Variants in CPNE1 observed in about 807,000 individuals in gnomAD.
The protein encoded by CPNE1 is copine 1.
Under a neutral mutation model 63.2 loss-of-function variants are expected in CPNE1, and 58 were observed. The ratio of observed to expected loss-of-function variants is 0.92; its 90% CI spans 0.74 to 1.14. The LOEUF is 1.14. Ranked by LOEUF, CPNE1 falls within the 50% of genes most tolerant of loss-of-function variation. The pLI is 0.00. For missense variants in CPNE1, 672 were observed against 661.7 expected, an observed-to-expected ratio of 1.02 and a Z score of -0.17; for synonymous variants, 237 against 249.0, an observed-to-expected ratio of 0.95 and a Z score of 0.45.
chr20:35,654,928 C>A (rs567896893), intron 1 of CPNE1: 5 of 1,614,128 alleles, frequency 3.1e-6, no homozygotes, highest in South Asian at 2.2e-5. Context: ...AGTAACTACA[C>A]TGGGTGATGG....
At chr20:35,663,920 G>A (rs1266797327) in intron 1 of CPNE1, among the ~76,000 whole-genome samples, 1 of 152,088 alleles carries the variant, frequency 6.6e-6, no homozygotes, top group East Asian at 1.9e-4. Context: ...CCCACCCTCC[G>A]CAGCCCACTG....
Position 35,631,475 on chromosome 20 carries a change from G to A in CPNE1, c.714+17C>T. On this transcript the variant is annotated intron_variant, in intron 8 of 15. Coordinates refer to ENST00000397443, the MANE Select transcript of CPNE1 (RefSeq NM_152925.3). ...ATCTAGGCCCATTTCCACACCCCTGGCAAGACCAGCACTCACCGGGACTGC... is the reference window on the plus strand; with the variant it reads ...ATCTAGGCCCATTTCCACACCCCTGACAAGACCAGCACTCACCGGGACTGC... 3 of 1,612,738 alleles carry A rather than the reference G, an allele frequency of 1.9e-6. No homozygotes were observed. Among genetic ancestry groups the A allele is most frequent in the Non-Finnish European group, 2.5e-6 (3 of 1,178,956 alleles).
intron 6 of CPNE1, 30 bp downstream of exon 6, chr20:35,631,915 C>A (rs1481678911): frequency 1.2e-6 from 2 of 1,603,118 alleles, no homozygotes; most frequent in Admixed American, 3.3e-5. Flanking sequence ...ATCTCCTACC[C>A]CAGCCCACCC....
At chr20:35,635,079 C>T (rs1358621087) in intron 1 of CPNE1, among the ~76,000 whole-genome samples, 1 of 151,906 alleles carries the variant, frequency 6.6e-6, no homozygotes, top group East Asian at 1.9e-4. Context: ...CTTTGCAGTA[C>T]CTGGAATGTG....
intron 13 of CPNE1, among the ~76,000 whole-genome samples, chr20:35,627,863 A>G (rs1241806260): frequency 1.3e-5 from 2 of 152,178 alleles, no homozygotes; most frequent in African/African-American, 4.8e-5. Flanking sequence ...TAGAGAGTAT[A>G]GCCAGGCACA....
chr20:35,632,154 C>T lies in CPNE1; in HGVS notation c.456+9G>A. 1.2e-6 allele frequency: 2 copies of T among 1,613,894 alleles called. No individual in the cohort carries two copies. The highest frequency in any genetic ancestry group is 1.7e-6 in the Non-Finnish European group (2 of 1,179,762). Reference sequence around the variant, plus strand: ...CTCTTGGATTACCAGGGCCTACTTCCAGACACACCTTCTTATCTAGGTTTC... The same window carrying T: ...CTCTTGGATTACCAGGGCCTACTTCTAGACACACCTTCTTATCTAGGTTTC... On this transcript the variant is annotated intron_variant, in intron 5 of 15. Coordinates refer to ENST00000397443, the MANE Select transcript of CPNE1 (RefSeq NM_152925.3).
chr20:35,626,774 A>G lies in CPNE1; in HGVS notation c.1266T>C (p.Asp422=), dbSNP rs2031774998. 1 of 1,614,010 alleles carries G rather than the reference A, an allele frequency of 6.2e-7. No individual in the cohort carries two copies. The highest frequency in any genetic ancestry group is 1.3e-5 in the African/African-American group (1 of 74,908). ...SQYFMLLLLT[D]GAVTDVEATR... is the part of the protein sequence containing the mutation. ...TGGCTTCCACATCCGTCACAGCACC[A>G]TCAGTCAGCAGCAACAGCATGAAGT... Residue 422 remains aspartate, a synonymous_variant, in exon 15 of 16, where the codon GAT becomes GAC. Coordinates refer to ENST00000397443, the MANE Select transcript of CPNE1 (RefSeq NM_152925.3).
intron 1 of CPNE1, chr20:35,643,209 G>T (rs1955230390): frequency 1.2e-5 from 2 of 162,124 alleles, no homozygotes; most frequent in Non-Finnish European, 1.5e-5. Context: ...GGCTGATCTG[G>T]CTGACTAGGT....
intron 1 of CPNE1, chr20:35,653,358 C>T (rs535376157): frequency 3.1e-6 from 5 of 1,614,096 alleles, no homozygotes; most frequent in South Asian, 1.1e-5. Context: ...CGGGCAGTCC[C>T]GCATTGGGCA....
At chr20:35,644,998 C>T (rs181493049) in intron 1 of CPNE1, among the ~76,000 whole-genome samples, 6 of 152,274 alleles carry the variant, frequency 3.9e-5, no homozygotes, top group South Asian at 4.1e-4. Context: ...CCATCCCTCC[C>T]GGCTGAAATC....
chr20:35,664,037 C>A (rs562757208), intron 1 of CPNE1, among the ~76,000 whole-genome samples: 3 of 152,178 alleles, frequency 2.0e-5, no homozygotes, highest in African/African-American at 7.2e-5. Context: ...TGGCATCTTA[C>A]TACAATTCTC....
Position 35,626,326 on chromosome 20 carries a change from A to C in CPNE1, c.1529T>G (p.Val510Gly), listed in dbSNP as rs2031735205. Residue 510 changes from valine (V) to glycine (G), a missense_variant, in exon 16 of 16, where the codon GTC becomes GGC. Physicochemically the swap from Val to Gly is moderately radical, Grantham distance 109. Coordinates refer to ENST00000397443, the MANE Select transcript of CPNE1 (RefSeq NM_152925.3). Reference protein sequence around the residue: ...TVLAEVPTQLVSYFRAQGWAP... With the variant: ...TVLAEVPTQLGSYFRAQGWAP... ...CCAACCCTGGGCCCTGAAGTATGAG[A>C]CCAGTTGTGTGGGCACTTCTGCGAG... The C allele has an allele frequency of 6.2e-7, 1 of 1,613,596 alleles. No individual in the cohort carries two copies. Among genetic ancestry groups the C allele is most frequent in the Non-Finnish European group, 8.5e-7 (1 of 1,179,928 alleles).
At chr20:35,635,113 A>G (rs963639861) in intron 1 of CPNE1, among the ~76,000 whole-genome samples, 4 of 151,774 alleles carry the variant, frequency 2.6e-5, no homozygotes, top group African/African-American at 9.7e-5. Flanking sequence ...TTATATCCAC[A>G]TGGCTCACTG....
At chr20:35,662,466 A>G (rs1252050366) in intron 1 of CPNE1, among the ~76,000 whole-genome samples, 1 of 152,224 alleles carries the variant, frequency 6.6e-6, no homozygotes, top group African/African-American at 2.4e-5. Context: ...AACATTTAAC[A>G]ATATTCCTTT....
intron 1 of CPNE1, among the ~76,000 whole-genome samples, chr20:35,658,529 G>C (rs1377303256): frequency 6.6e-6 from 1 of 152,144 alleles, no homozygotes; most frequent in Non-Finnish European, 1.5e-5. Flanking sequence ...GGGAGGCTAA[G>C]GCAGGTGGAT....
At chr20:35,644,096 TTG>T (rs749978433) in intron 1 of CPNE1, among the ~76,000 whole-genome samples, 10 of 152,190 alleles carry the variant, frequency 6.6e-5, no homozygotes, top group Non-Finnish European at 1.5e-4. Context: ...ACAGTGTTAT[TTG>T]TGAGGATTAC....
At chr20:35,645,109 G>C (rs1282357458) in intron 1 of CPNE1, among the ~76,000 whole-genome samples, 1 of 152,152 alleles carries the variant, frequency 6.6e-6, no homozygotes, top group Non-Finnish European at 1.5e-5. Context: ...AAATACCTGT[G>C]CATCTACAGT....
chr20:35,641,946 A>G (rs1408068580), intron 1 of CPNE1, among the ~76,000 whole-genome samples: 1 of 152,236 alleles, frequency 6.6e-6, no homozygotes, highest in East Asian at 1.9e-4. Context: ...CATATCAGGA[A>G]ATCGTTGAAG....
chr20:35,636,862 T>A (rs1002629800), intron 1 of CPNE1, among the ~76,000 whole-genome samples: 2 of 152,156 alleles, frequency 1.3e-5, no homozygotes, highest in African/African-American at 4.8e-5. Context: ...GGTGTATCTT[T>A]ATAACAGATT....
Sources: gnomAD v4.1 joint callset for allele counts (sites outside exome capture counted in the v4.1 genomes callset) on GRCh38, gnomAD v4.1.1 for gene constraint, MANE v1.5 for transcripts, NCBI Gene and HGNC (gene_info 2026-07-23, HGNC 2026-07-21) for gene names.